LCOR: variants seen among roughly 807,000 people sequenced by gnomAD.
The protein encoded by LCOR is ligand-dependent corepressor.
Under a neutral mutation model 64.4 loss-of-function variants are expected in LCOR, and 14 were observed. The ratio of observed to expected loss-of-function variants is 0.22; its 90% CI spans 0.14 to 0.34. The LOEUF (loss-of-function observed/expected upper bound fraction) is 0.34. LCOR is among the 10% of genes least tolerant of loss of function. LCOR has a pLI of 1.00. For synonymous variants in LCOR, 643 were observed against 642.5 expected, an observed-to-expected ratio of 1.00 and a Z score of -0.01; for missense variants, 1,686 against 1,765.3, an observed-to-expected ratio of 0.96 and a Z score of 0.80.
At chr10:96,950,121 T>G (rs959396844) in intron 6 of LCOR, among the ~76,000 whole-genome samples, 7 of 152,154 alleles carry the variant, frequency 4.6e-5, no homozygotes, top group African/African-American at 1.4e-4. Flanking sequence ...ACTAATGAGA[T>G]TTTATTGTCA....
At chr10:96,846,083 T>A (rs958655940) in intron 2 of LCOR, among the ~76,000 whole-genome samples, 1 of 151,998 alleles carries the variant, frequency 6.6e-6, no homozygotes, top group African/African-American at 2.4e-5. Context: ...GGTGTACAGC[T>A]GTAATCTTGG....
intron 2 of LCOR, among the ~76,000 whole-genome samples, chr10:96,875,563 G>T (rs575909066): frequency 1.2e-4 from 18 of 151,838 alleles, no homozygotes; most frequent in African/African-American, 4.4e-4. Flanking sequence ...TTCAAACCAC[G>T]TGTTTGAAAA....
At chr10:96,960,547 A>G (rs1423698875) in intron 7 of LCOR, 1 of 152,194 alleles carries the variant, frequency 6.6e-6, no homozygotes, top group Non-Finnish European at 1.5e-5. Flanking sequence ...ATGGCAATAG[A>G]CAGAATTGTG....
intron 4 of LCOR, among the ~76,000 whole-genome samples, chr10:96,938,301 C>T (rs1239664912): frequency 6.6e-6 from 1 of 152,146 alleles, no homozygotes; most frequent in East Asian, 1.9e-4. Context: ...GTAAGTGACA[C>T]AGACCACATG....
At chr10:96,965,910 C>G (rs139818711) in intron 7 of LCOR, among the ~76,000 whole-genome samples, 3 of 151,966 alleles carry the variant, frequency 2.0e-5, no homozygotes, top group Non-Finnish European at 4.4e-5. Flanking sequence ...AACTGGGAGC[C>G]AGGTCAGTAA....
intron 2 of LCOR, among the ~76,000 whole-genome samples, chr10:96,902,451 G>A (rs1846656478): frequency 1.3e-5 from 2 of 152,188 alleles, no homozygotes; most frequent in African/African-American, 2.4e-5. Flanking sequence ...ATAGTAAGGG[G>A]AAGAGAAGCC....
At chr10:96,944,847 C>T (rs970745814) in intron 5 of LCOR, among the ~76,000 whole-genome samples, 2 of 152,038 alleles carry the variant, frequency 1.3e-5, no homozygotes, top group Admixed American at 6.5e-5. Flanking sequence ...GCTTGTTTTA[C>T]ATTTCTTTCA....
intron 4 of LCOR, among the ~76,000 whole-genome samples, chr10:96,941,332 A>G (rs1356190534): frequency 1.8e-5 from 2 of 112,284 alleles, no homozygotes; most frequent in Admixed American, 8.9e-5. Flanking sequence ...GGCCGGGCAG[A>G]GGAGTCCTCA....
chr10:96,893,822 T>C (rs1846490589), intron 2 of LCOR, among the ~76,000 whole-genome samples: 2 of 151,988 alleles, frequency 1.3e-5, no homozygotes, highest in African/African-American at 4.8e-5. Flanking sequence ...GAATCAGATA[T>C]TTGAACCCAG....
chr10:96,833,064 G>A, intron 1 of LCOR: 1 of 986,410 alleles, frequency 1.0e-6, no homozygotes, highest in South Asian at 4.7e-5. Context: ...GGCAGCGGCT[G>A]CACTTCCTCA....
intron 2 of LCOR, among the ~76,000 whole-genome samples, chr10:96,850,813 A>G (rs776003177): frequency 6.6e-6 from 1 of 152,218 alleles, no homozygotes; most frequent in Non-Finnish European, 1.5e-5. Flanking sequence ...AAATTTATTG[A>G]CAGATTTTCT....
intron 2 of LCOR, among the ~76,000 whole-genome samples, chr10:96,856,101 C>A (rs538594933): frequency 6.6e-6 from 1 of 151,522 alleles, no homozygotes; most frequent in Non-Finnish European, 1.5e-5. Flanking sequence ...GACGGAGTCT[C>A]GCTCTGTTGC....
At chr10:96,840,534 G>T (rs376619119) in intron 2 of LCOR, among the ~76,000 whole-genome samples, 1 of 152,094 alleles carries the variant, frequency 6.6e-6, no homozygotes, top group South Asian at 2.1e-4. Flanking sequence ...TTAGACTAAC[G>T]TTTCAAATTT....
At chr10:96,912,686 G>C (rs1158899839) in intron 4 of LCOR, among the ~76,000 whole-genome samples, 3 of 140,108 alleles carry the variant, frequency 2.1e-5, no homozygotes, top group Non-Finnish European at 4.6e-5. Flanking sequence ...CTACATTGTT[G>C]GGGGAGGTAC....
At chr10:96,842,144 C>T (rs1027103656) in intron 2 of LCOR, among the ~76,000 whole-genome samples, 1 of 151,978 alleles carries the variant, frequency 6.6e-6, no homozygotes. Flanking sequence ...GCCTGTAATC[C>T]CAGCACTTTG....
chr10:96,936,160 G>A (rs1322150637), intron 4 of LCOR, among the ~76,000 whole-genome samples: 1 of 152,264 alleles, frequency 6.6e-6, no homozygotes, highest in African/African-American at 2.4e-5. Flanking sequence ...ACATGCCCCT[G>A]CAAAGGGGCC....
intron 4 of LCOR, among the ~76,000 whole-genome samples, chr10:96,909,692 GCTT>G (rs1233984617): frequency 1.3e-5 from 2 of 152,134 alleles, no homozygotes; most frequent in African/African-American, 4.8e-5. Context: ...TTCTTGTATG[GCTT>G]CTTTTTCTTG....
chr10:96,913,414 T>C (rs1846881018), intron 4 of LCOR, among the ~76,000 whole-genome samples: 1 of 152,186 alleles, frequency 6.6e-6, no homozygotes, highest in South Asian at 2.1e-4. Flanking sequence ...AGTAGTTAAT[T>C]CCTAAAAACG....
rs1335607089 is a variant in LCOR, at chr10:96,992,637, G to T, written c.*7503G>T. 1 of 152,250 alleles carries T rather than the reference G, an allele frequency of 6.6e-6. No homozygotes were observed. The highest frequency in any genetic ancestry group is 1.5e-5 in the Non-Finnish European group (1 of 68,068). The allele number at this position is 152,250 out of a possible 1,614,324, so 9.4% of individuals were successfully genotyped here. ...GGTACATTTAGCTGTATGGCATCGG[G>T]TGTGCCCCACGCAGCCTACTTCTTG... On this transcript the variant is annotated 3_prime_UTR_variant, in exon 8 of 8. Coordinates refer to ENST00000421806, the MANE Select transcript of LCOR (RefSeq NM_001346516.2).
Sources: allele counts gnomAD v4.1 joint callset (sites outside exome capture counted in the v4.1 genomes callset), GRCh38; gene constraint gnomAD v4.1.1; transcripts MANE v1.5; gene names NCBI Gene and HGNC (gene_info 2026-07-23, HGNC 2026-07-21).